GPR141: variants seen among roughly 807,000 people sequenced by gnomAD.
The protein encoded by GPR141 is probable G protein-coupled receptor 141.
Under a neutral mutation model 6.8 loss-of-function variants are expected in GPR141, and 6 were observed. The ratio of observed to expected loss-of-function variants is 0.88; its 90% CI spans 0.48 to 1.74. The LOEUF (loss-of-function observed/expected upper bound fraction) is 1.74. GPR141 is among the 40% of genes most tolerant of loss of function. GPR141 has a pLI of 0.01. For synonymous variants in GPR141, 140 were observed against 142.3 expected, an observed-to-expected ratio of 0.98 and a Z score of 0.11; for missense variants, 372 against 372.9, an observed-to-expected ratio of 1.00 and a Z score of 0.02.
intron 2 of GPR141, among the ~76,000 whole-genome samples, chr7:37,714,709 G>C (rs1027726347): frequency 6.6e-6 from 1 of 152,176 alleles, no homozygotes; most frequent in African/African-American, 2.4e-5. Flanking sequence ...ATGTTTTACT[G>C]TAAAGATATG....
At chr7:37,731,274 C>G (rs1344500276) in intron 2 of GPR141, among the ~76,000 whole-genome samples, 3 of 152,210 alleles carry the variant, frequency 2.0e-5, no homozygotes, top group African/African-American at 7.2e-5. Flanking sequence ...GAGTATGTAG[C>G]AATCCCCCTT....
chr7:37,699,559 T>TGGG (rs1810183117), intron 2 of GPR141, among the ~76,000 whole-genome samples: 1 of 152,174 alleles, frequency 6.6e-6, no homozygotes, highest in Non-Finnish European at 1.5e-5. Context: ...AGACTCCGAC[T>TGGG]CAAAAAACAA....
At chr7:37,684,462 C>T (rs1267345971) in intron 1 of GPR141, among the ~76,000 whole-genome samples, 4 of 152,072 alleles carry the variant, frequency 2.6e-5, no homozygotes, top group Non-Finnish European at 4.4e-5. Context: ...TTTTAAAGTA[C>T]TACTTAACAG....
At chr7:37,725,573 C>T (rs1234462934) in intron 2 of GPR141, among the ~76,000 whole-genome samples, 1 of 152,214 alleles carries the variant, frequency 6.6e-6, no homozygotes, top group East Asian at 1.9e-4. Flanking sequence ...CAAGGCTCAG[C>T]TCAGACGCAA....
At chr7:37,738,007 A>G (rs956851901) in intron 2 of GPR141, among the ~76,000 whole-genome samples, 4 of 152,182 alleles carry the variant, frequency 2.6e-5, no homozygotes, top group African/African-American at 9.7e-5. Flanking sequence ...TCCTTCTTGT[A>G]TTACAGTTTA....
At chr7:37,725,841 T>G (rs1419051592) in intron 2 of GPR141, among the ~76,000 whole-genome samples, 1 of 143,452 alleles carries the variant, frequency 7.0e-6, no homozygotes, top group African/African-American at 2.8e-5. Context: ...GTTTGCTTTG[T>G]TTTTTTTTTT....
chr7:37,739,578 C>T (rs1812427265), intron 2 of GPR141, among the ~76,000 whole-genome samples: 1 of 152,122 alleles, frequency 6.6e-6, no homozygotes, highest in Admixed American at 6.5e-5. Context: ...TAAAAGATTA[C>T]TAAATCTTTT....
intron 2 of GPR141, among the ~76,000 whole-genome samples, chr7:37,690,277 T>C (rs1809696437): frequency 6.6e-6 from 1 of 152,168 alleles, no homozygotes; most frequent in African/African-American, 2.4e-5. Flanking sequence ...AATCTCATGT[T>C]AAGATGTAAT....
Position 37,741,324 on chromosome 7 carries a change from G to A in GPR141, c.*13G>A. 1.9e-6 allele frequency: 3 copies of A among 1,544,800 alleles called. No individual in the cohort carries two copies. The highest frequency in any genetic ancestry group is 1.8e-6 in the Non-Finnish European group (2 of 1,141,314). ...TTTGTGCCGTTAGCCACAAACTACA[G>A]TATTCATATTTGCTTCCTTTATATT... On this transcript the variant is annotated 3_prime_UTR_variant, in exon 3 of 3. Coordinates refer to ENST00000334425, the MANE Select transcript of GPR141 (RefSeq NM_001381946.1).
intron 2 of GPR141, among the ~76,000 whole-genome samples, chr7:37,728,605 T>G (rs913645915): frequency 1.3e-5 from 2 of 152,004 alleles, no homozygotes; most frequent in African/African-American, 2.4e-5. Context: ...CTTTTGACAT[T>G]GATGTAGTCC....
intron 2 of GPR141, among the ~76,000 whole-genome samples, chr7:37,726,320 A>G (rs1811622858): frequency 6.6e-6 from 1 of 152,212 alleles, no homozygotes; most frequent in Non-Finnish European, 1.5e-5. Context: ...ATTCTGAAAG[A>G]TTACTCTGGT....
chr7:37,711,760 TTCCTACTGCA>T (rs1810807213), intron 2 of GPR141, among the ~76,000 whole-genome samples: 1 of 152,212 alleles, frequency 6.6e-6, no homozygotes, highest in Non-Finnish European at 1.5e-5. Flanking sequence ...CCCTGAGTAC[TTCCTACTGCA>T]TCTGTTTAGA....
chr7:37,724,065 C>T (rs1324257034), intron 2 of GPR141, among the ~76,000 whole-genome samples: 3 of 152,176 alleles, frequency 2.0e-5, no homozygotes, highest in Non-Finnish European at 4.4e-5. Context: ...AGCAGTGTGG[C>T]TCACTCTACA....
At chr7:37,704,013 AGT>A (rs1359394275) in intron 2 of GPR141, among the ~76,000 whole-genome samples, 2 of 152,166 alleles carry the variant, frequency 1.3e-5, no homozygotes, top group African/African-American at 4.8e-5. Flanking sequence ...TGCTATTGCT[AGT>A]TACCTTCTGC....
intron 2 of GPR141, among the ~76,000 whole-genome samples, chr7:37,686,133 G>C (rs906616730): frequency 6.6e-6 from 1 of 151,340 alleles, no homozygotes; most frequent in Non-Finnish European, 1.5e-5. Context: ...CGAATAGCTG[G>C]GAGTGCAGGT....
At chr7:37,733,645 C>T (rs1453142954) in intron 2 of GPR141, among the ~76,000 whole-genome samples, 1 of 141,044 alleles carries the variant, frequency 7.1e-6, no homozygotes, top group Non-Finnish European at 1.5e-5. Context: ...GCACTCCAGC[C>T]TGGGTGACAG....
intron 2 of GPR141, among the ~76,000 whole-genome samples, chr7:37,726,579 C>T (rs986020318): frequency 6.6e-6 from 1 of 151,978 alleles, no homozygotes; most frequent in African/African-American, 2.4e-5. Flanking sequence ...ACCCAGATTC[C>T]CCAATTGTAA....
chr7:37,715,392 A>G (rs921885980), intron 2 of GPR141, among the ~76,000 whole-genome samples: 7 of 152,186 alleles, frequency 4.6e-5, no homozygotes, highest in South Asian at 2.1e-4. Flanking sequence ...GGCCTCCCAA[A>G]GTGCTGGGGA....
chr7:37,734,279 G>T, intron 2 of GPR141, among the ~76,000 whole-genome samples: 1 of 152,176 alleles, frequency 6.6e-6, no homozygotes, highest in Non-Finnish European at 1.5e-5. Flanking sequence ...GGTAGGTAGG[G>T]CTTATCCACA....
Sources: allele counts gnomAD v4.1 joint callset (sites outside exome capture counted in the v4.1 genomes callset), GRCh38; gene constraint gnomAD v4.1.1; transcripts MANE v1.5; gene names NCBI Gene and HGNC (gene_info 2026-07-23, HGNC 2026-07-21).